Variants in PTCD1 observed in about 807,000 individuals in gnomAD.
PTCD1 encodes the protein pentatricopeptide repeat domain 1.
A neutral mutation model predicts 53.4 loss-of-function variants in PTCD1; 50 were observed. The ratio of observed to expected loss-of-function variants is 0.94; its 90% CI spans 0.75 to 1.19. The LOEUF (loss-of-function observed/expected upper bound fraction) is 1.19, where lower values mean the gene tolerates loss of function less well. Ranked by LOEUF, PTCD1 falls within the 50% of genes most tolerant of loss-of-function variation. The pLI, the probability that PTCD1 is intolerant of heterozygous loss-of-function variation, is 0.00. For synonymous variants in PTCD1, 413 were observed against 394.8 expected (o/e 1.05, Z -0.55); for missense variants, 918 against 904.8 (o/e 1.01, Z -0.19).
chr7:99,430,048 C>T (rs1283182783), intron 3 of PTCD1, among the ~76,000 whole-genome samples: 2 of 152,202 alleles, frequency 1.3e-5, no homozygotes, highest in Non-Finnish European at 1.5e-5. Context: ...GCCCTGGGCA[C>T]TTGTCAGCCC....
chr7:99,427,591 C>T (rs1248323971), intron 5 of PTCD1, among the ~76,000 whole-genome samples: 2 of 152,134 alleles, frequency 1.3e-5, no homozygotes, highest in Non-Finnish European at 2.9e-5. Flanking sequence ...GCCACCACCC[C>T]GTCTGGGAGG....
chr7:99,438,735 G>C lies in PTCD1; in HGVS notation c.-70C>G, dbSNP rs898788078. 3.5e-5 allele frequency: 46 copies of C among 1,307,316 alleles called. No individual in the cohort carries two copies. In the African/African-American group the frequency reaches 4.4e-4, roughly 12 times the overall value. The allele number at this position is 1,307,316 out of a possible 1,614,324, so 81.0% of individuals were successfully genotyped here. ...TGCACTCCGACGGGGAGCCCTGCCC[G>C]GTCCCCGCGGCGAACCAGTCTCTTC... On this transcript the variant is annotated 5_prime_UTR_variant, in exon 1 of 8. Transcript: ENST00000292478.
Position 99,417,447 on chromosome 7 carries a change from T to C in PTCD1, c.*2520A>G, listed in dbSNP as rs947475683. On this transcript the variant is annotated 3_prime_UTR_variant, in exon 8 of 8. Transcript: ENST00000292478. ...TTGACAGAACTCTATGAATATTGTA[T>C]TAAAGAAGGCTATGCAGACAAAAAC... is the stretch of plus-strand genomic sequence containing the variant. 4 of 1,613,850 alleles carry C rather than the reference T, an allele frequency of 2.5e-6. No homozygotes were observed. In the African/African-American group the frequency reaches 5.3e-5, roughly 22 times the overall value.
At chr7:99,436,483 C>T (rs555649992) in intron 1 of PTCD1, among the ~76,000 whole-genome samples, 2 of 152,110 alleles carry the variant, frequency 1.3e-5, no homozygotes, top group African/African-American at 2.4e-5. Flanking sequence ...GGCGTGACAG[C>T]GTGCCCCTGT....
chr7:99,436,892 T>TGC (rs1400199371), intron 1 of PTCD1, among the ~76,000 whole-genome samples: 1 of 152,252 alleles, frequency 6.6e-6, no homozygotes, highest in Non-Finnish European at 1.5e-5. Flanking sequence ...GTCTTCATGT[T>TGC]GCCCAGGCTG....
At position 99,419,974 on chromosome 7, in the gene PTCD1, C is replaced by A; in HGVS notation, c.2096G>T (p.Gly699Val). 1 of 1,614,210 alleles carries A rather than the reference C, an allele frequency of 6.2e-7. No homozygotes were observed. Among genetic ancestry groups the A allele is most frequent in the Non-Finnish European group, 8.5e-7 (1 of 1,180,026 alleles). ...GTTCCAGCTGTGCTCCCATCACCTGCCCCCAAGGGCACATCCGTCATCAGC... is the reference window on the plus strand; with the variant it reads ...GTTCCAGCTGTGCTCCCATCACCTGACCCCAAGGGCACATCCGTCATCAGC... ...KEADDGCALG[G>V]R The change falls in exon 8 of 8, where the codon GGC (glycine) becomes GTC (valine). Residue 699 changes from glycine to valine, a missense_variant. Transcript: ENST00000292478.
intron 5 of PTCD1, among the ~76,000 whole-genome samples, chr7:99,426,494 C>G (rs1282173154): frequency 6.6e-6 from 1 of 152,188 alleles, no homozygotes; most frequent in East Asian, 1.9e-4. Context: ...ACTCAGTGCT[C>G]AATGGTGCCC....
At chr7:99,426,633 G>A (rs1440745201) in intron 5 of PTCD1, among the ~76,000 whole-genome samples, 2 of 151,828 alleles carry the variant, frequency 1.3e-5, no homozygotes, top group African/African-American at 2.4e-5. Flanking sequence ...CTGCCTGGCC[G>A]CCCATCGTCT....
intron 3 of PTCD1, among the ~76,000 whole-genome samples, chr7:99,431,360 C>T (rs1796242644): frequency 1.3e-5 from 2 of 152,000 alleles, no homozygotes; most frequent in Non-Finnish European, 2.9e-5. Flanking sequence ...AATCTCTTGA[C>T]CTCGTGATCC....
rs1372627132 is a variant in PTCD1 at position 99,424,888 on chromosome 7, C to T, written c.1644G>A (p.Lys548=). 6.2e-7 allele frequency: 1 copy of T among 1,614,274 alleles called. No individual in the cohort carries two copies. The highest frequency in any genetic ancestry group is 8.5e-7 in the Non-Finnish European group (1 of 1,180,050). ...TCTGCAGGTTGGGGACGAGGCCCCT[C>T]TTTGCCAGGACCGGCAACAGCGCCT... ...GAKALLPVLA[K]RGLVPNLQTF... The change falls in exon 6 of 8, where the codon AAG becomes AAA. Residue 548 remains lysine, a synonymous_variant. Transcript: ENST00000292478.
In PTCD1 at chr7:99,417,514, C is replaced by T. The variant is rs1373793631; in HGVS notation, c.*2453G>A. 6.2e-7 allele frequency: 1 copy of T among 1,611,118 alleles called. No homozygotes were observed. The highest frequency in any genetic ancestry group is 8.5e-7 in the Non-Finnish European group (1 of 1,178,070). On this transcript the variant is annotated 3_prime_UTR_variant, in exon 8 of 8. Transcript: ENST00000292478. ...AAAAGCAAGGATATGAGAACTTGTG[C>T]TGCCTGCGGTGCATTCAGACACGGG...
intron 3 of PTCD1, among the ~76,000 whole-genome samples, chr7:99,431,135 CT>C (rs1200297258): frequency 8.7e-5 from 13 of 150,186 alleles, no homozygotes; most frequent in Admixed American, 2.0e-4. Flanking sequence ...AGTTTTTTTT[CT>C]TTTTTTTTGA....
chr7:99,433,420 T>A lies in PTCD1; in HGVS notation c.454-2A>T. The A allele has an allele frequency of 1.9e-6, 3 of 1,614,118 alleles. No homozygotes were observed. The highest frequency in any genetic ancestry group is 2.5e-6 in the Non-Finnish European group (3 of 1,180,040). On this transcript the variant is annotated splice_acceptor_variant, in intron 2 of 7. Transcript: ENST00000292478. LOFTEE classifies it high-confidence loss of function. ...AAACAGGTCCAGGGCTTCAACCAGCTGCAGGGAAGAGGCAACAGGGCAGGG... is the reference window on the plus strand; with the variant it reads ...AAACAGGTCCAGGGCTTCAACCAGCAGCAGGGAAGAGGCAACAGGGCAGGG...
chr7:99,429,852 C>T (rs750118159), intron 3 of PTCD1, 46 bp from the exon 4 acceptor site: 19 of 1,609,102 alleles, frequency 1.2e-5, no homozygotes, highest in Admixed American at 8.4e-5. Flanking sequence ...ATCAGCTGGA[C>T]GCACAGGTGA....
At position 99,417,606 on chromosome 7, in the gene PTCD1, A is replaced by G; in HGVS notation, c.*2361T>C. 3 of 1,610,076 alleles carry G rather than the reference A, an allele frequency of 1.9e-6. No individual in the cohort carries two copies. Among genetic ancestry groups the G allele is most frequent in the Non-Finnish European group, 1.7e-6 (2 of 1,179,972 alleles). ...AGCAAGCTGGAAGTGGTAATGTCTG[A>G]CACTCAAGCTTGGTGTTGTTTTCAG... On this transcript the variant is annotated 3_prime_UTR_variant, in exon 8 of 8. Transcript: ENST00000292478.
Position 99,431,397 on chromosome 7 carries a change from G to A in PTCD1, c.595-1591C>T, listed in dbSNP as rs191199924. ...CCCACTTTGGGCTCCCAAAATGGTGGGATTACAGGTGTGAGCCACCGCACC... is the reference window on the plus strand; with the variant it reads ...CCCACTTTGGGCTCCCAAAATGGTGAGATTACAGGTGTGAGCCACCGCACC... On this transcript the variant is annotated intron_variant, in intron 3 of 7. Coordinates refer to ENST00000292478, the MANE Select transcript of PTCD1 (RefSeq NM_015545.4). 1.4e-4 allele frequency among the ~76,000 whole-genome samples: 22 copies of A among 151,926 alleles called. No individual in the cohort carries two copies. The Middle Eastern group carries it at 0.014, about 94-fold the overall frequency.
chr7:99,424,054 G>C, intron 6 of PTCD1, 97 bp from the exon 7 acceptor site: 1 of 1,522,394 alleles, frequency 6.6e-7, no homozygotes, highest in Non-Finnish European at 8.9e-7. Context: ...CGGGACCAGC[G>C]GCCAGGGCCA....
At position 99,417,879 on chromosome 7, in the gene PTCD1, A is replaced by T; in HGVS notation, c.*2088T>A. The T allele has an allele frequency of 7.4e-7, 1 of 1,359,882 alleles. No homozygotes were observed. Among genetic ancestry groups the T allele is most frequent in the Non-Finnish European group, 9.5e-7 (1 of 1,049,980 alleles). The allele number at this position is 1,359,882 out of a possible 1,614,324, so 84.2% of individuals were successfully genotyped here. A position where few individuals can be genotyped will look rare whatever the true frequency, so the allele number is the denominator to read the frequency against. On this transcript the variant is annotated 3_prime_UTR_variant, in exon 8 of 8. Transcript: ENST00000292478. ...ATGGTGGTGGGGAGCCCTAATCCCA[A>T]GGTGGTGGCAGGGTGACATCAGGGA...
Position 99,425,068 on chromosome 7 carries a change from C to T in PTCD1, c.1464G>A (p.Arg488=). The change falls in exon 6 of 8, where the codon AGG becomes AGA. Residue 488 remains arginine (R), a synonymous_variant. Transcript: ENST00000292478. Reference sequence around the variant, plus strand: ...CCACCTCGGCCAGTAGCGTGAGGGTCCTGATGTCGGGCTGCTGCCTGTGCT... The same window carrying T: ...CCACCTCGGCCAGTAGCGTGAGGGTTCTGATGTCGGGCTGCTGCCTGTGCT... ...MAEHRQQPDI[R]TLTLLAEVVE... The T allele has an allele frequency of 6.2e-7, 1 of 1,614,136 alleles. No homozygotes were observed. The highest frequency in any genetic ancestry group is 8.5e-7 in the Non-Finnish European group (1 of 1,180,046).
Sources: gnomAD v4.1 joint callset for allele counts (sites outside exome capture counted in the v4.1 genomes callset) on GRCh38, gnomAD v4.1.1 for gene constraint, MANE v1.5 for transcripts, NCBI Gene and HGNC (gene_info 2026-07-23, HGNC 2026-07-21) for gene names.